The following PAK3 variants were observed in gnomAD, a reference collection of about 807,000 sequenced individuals.
PAK3 encodes the protein p21 (RAC1) activated kinase 3, also known as serine/threonine-protein kinase PAK 3.
In PAK3, 4 loss-of-function variants were observed where a neutral mutation model predicts 41.0. The observed-to-expected ratio is 0.10, with a 90% CI of 0.05 to 0.22. The LOEUF is 0.22. Ranked by LOEUF, PAK3 falls within the 10% of genes least tolerant of loss-of-function variation. PAK3 has a pLI of 1.00. For missense variants in PAK3, 205 were observed against 409.9 expected (o/e 0.50, Z 4.32); for synonymous variants, 146 against 139.6 (o/e 1.05, Z -0.32).
At chrX:111,193,546 C>T (rs2094581367) in intron 13 of PAK3, among the ~76,000 whole-genome samples, 1 of 108,818 alleles carries the variant, frequency 9.2e-6, no homozygotes, top group Non-Finnish European at 1.9e-5. Flanking sequence ...GACGGGGTTT[C>T]GCCATGTTGG....
chrX:111,208,739 C>A (rs1244283580), intron 16 of PAK3, among the ~76,000 whole-genome samples: 1 of 111,614 alleles, frequency 9.0e-6, no homozygotes, highest in Non-Finnish European at 1.9e-5. Context: ...GAATGTATTC[C>A]CCATCATTAA....
At chrX:110,979,138 TATA>T (rs2091398000) in intron 1 of PAK3, among the ~76,000 whole-genome samples, 1 of 110,895 alleles carries the variant, frequency 9.0e-6, no homozygotes, top group Non-Finnish European at 1.9e-5. Context: ...ATTTTATCCT[TATA>T]ATGTTTATAG....
At chrX:111,110,969 A>G (rs1457305604) in intron 4 of PAK3, among the ~76,000 whole-genome samples, 1 of 111,824 alleles carries the variant, frequency 8.9e-6, no homozygotes, top group Non-Finnish European at 1.9e-5. Flanking sequence ...CTCTTTGACC[A>G]TCTTTCTCAG....
intron 1 of PAK3, among the ~76,000 whole-genome samples, chrX:110,999,931 A>G (rs1464339997): frequency 9.0e-6 from 1 of 111,594 alleles, no homozygotes; most frequent in Non-Finnish European, 1.9e-5. Context: ...TCGCGCCACT[A>G]CATTCCAACT....
At chrX:111,112,341 T>C (rs888145386) in intron 4 of PAK3, among the ~76,000 whole-genome samples, 2 of 110,453 alleles carry the variant, frequency 1.8e-5, no homozygotes, top group African/African-American at 6.6e-5. Context: ...GTACTTCCCC[T>C]GTGAAGCCTG....
rs2094209523 is a variant in PAK3, at chrX:111,162,992, AGAT to A, written c.549_551del (p.Asp183del). 8.3e-7 allele frequency: 1 copy of A among 1,203,800 alleles called. No individual in the cohort carries two copies. Among genetic ancestry groups the A allele is most frequent in the African/African-American group, 1.7e-5 (1 of 57,696 alleles). On this transcript the variant is annotated inframe_deletion, in exon 9 of 18. Coordinates refer to ENST00000372007, the MANE Select transcript of PAK3 (RefSeq NM_002578.5). The stretch of plus-strand genomic sequence containing the variant: ...AAGATGAAGAGGAAGAAGAAGAAGA[AGAT>A]GAAAATGAGCCACCACCAGTTATCG...
intron 10 of PAK3, among the ~76,000 whole-genome samples, chrX:111,171,043 A>C (rs2149235504): frequency 9.0e-6 from 1 of 110,828 alleles, no homozygotes; most frequent in Non-Finnish European, 1.9e-5. Flanking sequence ...TCATTTTATG[A>C]ATAGTATGGT....
chrX:110,956,313 C>T (rs775240616), intron 1 of PAK3, among the ~76,000 whole-genome samples: 2 of 111,124 alleles, frequency 1.8e-5, no homozygotes, highest in East Asian at 5.7e-4. Context: ...CTCAGTACAC[C>T]ACCTGGTACA....
intron 16 of PAK3, among the ~76,000 whole-genome samples, chrX:111,200,225 T>C (rs2094666240): frequency 8.9e-6 from 1 of 111,829 alleles, no homozygotes; most frequent in African/African-American, 3.2e-5. Flanking sequence ...TATGTGGCTT[T>C]CTATGCATGT....
intron 8 of PAK3, among the ~76,000 whole-genome samples, chrX:111,162,368 A>G (rs1029408298): frequency 8.9e-6 from 1 of 111,885 alleles, no homozygotes; most frequent in African/African-American, 3.2e-5. Context: ...CTTCATGTCT[A>G]TTACTCTCTG....
At chrX:111,148,664 A>G (rs935300126) in intron 7 of PAK3, among the ~76,000 whole-genome samples, 1 of 111,682 alleles carries the variant, frequency 9.0e-6, no homozygotes, top group Admixed American at 9.5e-5. Flanking sequence ...GAACCCCGAT[A>G]AAACCATCAG....
At chrX:111,142,615 G>A (rs535473874) in intron 6 of PAK3, among the ~76,000 whole-genome samples, 38 of 111,943 alleles carry the variant, frequency 3.4e-4, no homozygotes, top group Middle Eastern at 4.7e-3. Context: ...AGCTAACTAC[G>A]CTAACCAAGA....
chrX:111,218,279 A>C (rs1347825132), intron 17 of PAK3, among the ~76,000 whole-genome samples: 1 of 112,281 alleles, frequency 8.9e-6, no homozygotes, highest in Non-Finnish European at 1.9e-5. Flanking sequence ...TTTGTAAAGC[A>C]TAAGTGCAGT....
At chrX:111,048,566 C>G (rs1201580110) in intron 1 of PAK3, among the ~76,000 whole-genome samples, 1 of 110,372 alleles carries the variant, frequency 9.1e-6, no homozygotes, top group Non-Finnish European at 1.9e-5. Context: ...GCAGGCTTCC[C>G]CTTATAAGTA....
intron 1 of PAK3, among the ~76,000 whole-genome samples, chrX:111,034,480 T>G (rs2092373176): frequency 1.8e-5 from 2 of 111,837 alleles, no homozygotes; most frequent in African/African-American, 6.5e-5. Context: ...TTTGGCTGGT[T>G]TTTTAGTCAA....
chrX:111,192,234 C>T, intron 12 of PAK3, 59 bp downstream of exon 12: 2 of 759,890 alleles, frequency 2.6e-6, no homozygotes, highest in Non-Finnish European at 4.1e-6. Context: ...TAACAGTTAT[C>T]TTCTTCGATG....
At chrX:110,954,860 A>G (rs988788865) in intron 1 of PAK3, among the ~76,000 whole-genome samples, 8 of 110,702 alleles carry the variant, frequency 7.2e-5, no homozygotes, top group African/African-American at 2.6e-4. Flanking sequence ...TCCTCCTCCT[A>G]CTCCCAGCAG....
chrX:111,041,638 C>G (rs1289404159), intron 1 of PAK3, among the ~76,000 whole-genome samples: 1 of 111,545 alleles, frequency 9.0e-6, no homozygotes, highest in Non-Finnish European at 1.9e-5. Context: ...GGTTCAACCT[C>G]ATCCTACCTC....
intron 1 of PAK3, among the ~76,000 whole-genome samples, chrX:111,032,449 A>T (rs1252381437): frequency 8.9e-6 from 1 of 112,052 alleles, no homozygotes; most frequent in Non-Finnish European, 1.9e-5. Context: ...CTCTACTTGC[A>T]GCTACTGTTC....
Sources: gnomAD v4.1 joint callset for allele counts (sites outside exome capture counted in the v4.1 genomes callset) on GRCh38, gnomAD v4.1.1 for gene constraint, MANE v1.5 for transcripts, NCBI Gene and HGNC (gene_info 2026-07-23, HGNC 2026-07-21) for gene names.